Variants in DOCK4 observed in about 807,000 individuals in gnomAD.
The protein encoded by DOCK4 is dedicator of cytokinesis 4, also known as dedicator of cytokinesis protein 4.
A neutral mutation model predicts 268.1 loss-of-function variants in DOCK4; 97 were observed. That is an observed-to-expected ratio of 0.36 (90% CI 0.31 to 0.43). DOCK4 has a LOEUF of 0.43. Among genes scored for constraint, DOCK4 ranks in the 20% least tolerant of loss-of-function variants. The probability of loss-of-function intolerance (pLI) is 1.00; values close to 1 mark genes in which losing one functional copy is unlikely to be tolerated. For missense variants in DOCK4, 2,145 were observed against 2,455.7 expected (o/e 0.87, Z 2.67); for synonymous variants, 954 against 887.2 (o/e 1.08, Z -1.34).
At position 111,782,921 on chromosome 7, in the gene DOCK4, G is replaced by C; in HGVS notation, c.3528C>G (p.Asp1176Glu). 6.2e-7 allele frequency: 1 copy of C among 1,611,770 alleles called. No individual in the cohort carries two copies. The highest frequency in any genetic ancestry group is 1.1e-5 in the South Asian group (1 of 91,012). Residue 1176 changes from aspartate to glutamate, a missense_variant, in exon 35 of 53, where the codon GAC becomes GAG. By Grantham distance (45) the Asp-to-Glu change is conservative (BLOSUM62 2). Transcript: ENST00000428084. ...CATCTACCTCTCCCATTTTCATGCAGTCCCTAAAAACAAAAAGCAATAGTC... is the reference window on the plus strand; with the variant it reads ...CATCTACCTCTCCCATTTTCATGCACTCCCTAAAAACAAAAAGCAATAGTC... ...RLMERLLDYRDCMKMGEVDGK... is the reference protein window; with the variant it reads ...RLMERLLDYRECMKMGEVDGK...
intron 51 of DOCK4, among the ~76,000 whole-genome samples, chr7:111,733,745 T>G (rs773661577): frequency 6.6e-6 from 1 of 152,202 alleles, no homozygotes; most frequent in Non-Finnish European, 1.5e-5. Context: ...CCTGAATATA[T>G]GTACATCGTG....
intron 1 of DOCK4, among the ~76,000 whole-genome samples, chr7:112,088,437 C>A (rs545753628): frequency 6.6e-6 from 1 of 152,164 alleles, no homozygotes; most frequent in South Asian, 2.1e-4. Context: ...ACATGTAAGA[C>A]AATACTTATT....
At chr7:111,935,058 T>C (rs952972722) in intron 12 of DOCK4, among the ~76,000 whole-genome samples, 2 of 151,616 alleles carry the variant, frequency 1.3e-5, no homozygotes, top group South Asian at 2.1e-4. Flanking sequence ...GCAATTCTCC[T>C]TTCTCAACCT....
At chr7:111,798,835 A>T (rs958328466) in intron 30 of DOCK4, among the ~76,000 whole-genome samples, 4 of 152,346 alleles carry the variant, frequency 2.6e-5, no homozygotes, top group Middle Eastern at 6.8e-3. Flanking sequence ...TGCTTTCCTA[A>T]TTTTCCATGC....
chr7:111,902,497 C>T (rs1186167395), intron 13 of DOCK4, among the ~76,000 whole-genome samples: 1 of 152,094 alleles, frequency 6.6e-6, no homozygotes, highest in South Asian at 2.1e-4. Flanking sequence ...AATCTCAACC[C>T]TTTCTTATTA....
chr7:111,844,919 T>C lies in DOCK4; in HGVS notation c.2602-22A>G, dbSNP rs1450466048. On this transcript the variant is annotated intron_variant, in intron 24 of 52. Coordinates refer to ENST00000428084, the MANE Select transcript of DOCK4 (RefSeq NM_001363540.2). ...TTTCCTTAAGAGAAAAAAAATAATA[T>C]GTTCAGGAAACTGGGGTTTAACATG... is the stretch of plus-strand genomic sequence containing the variant. 9 of 1,595,844 alleles carry C rather than the reference T, an allele frequency of 5.6e-6. No homozygotes were observed. In the East Asian group the frequency reaches 1.1e-4, roughly 20 times the overall value.
intron 25 of DOCK4, among the ~76,000 whole-genome samples, chr7:111,837,257 A>AT (rs1379265495): frequency 1.3e-5 from 2 of 152,110 alleles, no homozygotes; most frequent in Non-Finnish European, 1.5e-5. Flanking sequence ...AGGAAAAAAA[A>AT]CCCCAAAAAC....
chr7:112,136,787 T>C (rs1814395471), intron 1 of DOCK4, among the ~76,000 whole-genome samples: 1 of 152,178 alleles, frequency 6.6e-6, no homozygotes, highest in Admixed American at 6.5e-5. Context: ...GACTGATGGA[T>C]AATTTGAAAA....
intron 1 of DOCK4, among the ~76,000 whole-genome samples, chr7:112,137,883 A>G (rs757949232): frequency 6.6e-6 from 1 of 152,236 alleles, no homozygotes; most frequent in Non-Finnish European, 1.5e-5. Context: ...TACTTGCTTC[A>G]TAGGCTTTCT....
intron 6 of DOCK4, 31 bp downstream of exon 6, chr7:111,988,984 T>C (rs1166268474): frequency 2.5e-6 from 4 of 1,585,986 alleles, no homozygotes; most frequent in Non-Finnish European, 2.6e-6. Flanking sequence ...GTTCACCTAC[T>C]AGAGGCCGCC....
chr7:111,837,668 C>G (rs546947045), intron 25 of DOCK4, among the ~76,000 whole-genome samples: 2 of 152,102 alleles, frequency 1.3e-5, no homozygotes, highest in Non-Finnish European at 2.9e-5. Flanking sequence ...AATTACTGAT[C>G]TATTTGACAA....
chr7:111,809,377 C>A lies in DOCK4; in HGVS notation c.3031G>T (p.Ala1011Ser). The change falls in exon 29 of 53, where the codon GCA becomes TCA. Residue 1011 changes from alanine (A) to serine (S), a missense_variant. Ala to Ser is a moderately conservative substitution (Grantham distance 99). This residue lies in a region of DOCK4 where 1,598 missense variants were observed against 1,986.7 expected (regional missense o/e 0.80). Coordinates refer to ENST00000428084, the MANE Select transcript of DOCK4 (RefSeq NM_001363540.2). ...CACAACTGGTTTATAAAAATGACTG[C>A]GAGGTAAAAGTAGGAATCCCAGATC... is the stretch of plus-strand genomic sequence containing the variant. ...YKIWDSYFYLAVIFINQLCLQ... is the reference protein window; with the variant it reads ...YKIWDSYFYLSVIFINQLCLQ... 6.4e-7 allele frequency: 1 copy of A among 1,563,690 alleles called. No individual in the cohort carries two copies. Among genetic ancestry groups the A allele is most frequent in the Non-Finnish European group, 8.7e-7 (1 of 1,152,436 alleles).
At chr7:111,766,180 C>T (rs1797748673) in intron 38 of DOCK4, among the ~76,000 whole-genome samples, 1 of 152,114 alleles carries the variant, frequency 6.6e-6, no homozygotes, top group African/African-American at 2.4e-5. Flanking sequence ...GGAGAAGTAT[C>T]GATGAACTGC....
At chr7:112,052,648 T>A (rs949070135) in intron 1 of DOCK4, among the ~76,000 whole-genome samples, 6 of 152,120 alleles carry the variant, frequency 3.9e-5, no homozygotes. Flanking sequence ...ATCCCTGAAC[T>A]ATTATACAAA....
intron 47 of DOCK4, among the ~76,000 whole-genome samples, chr7:111,740,760 A>AAAAAAG (rs1795861877): frequency 1.4e-5 from 2 of 137,958 alleles, no homozygotes; most frequent in Non-Finnish European, 3.1e-5. Context: ...AAAAAAAAAA[A>AAAAAAG]GGCAAGCTAA....
At chr7:111,970,266 G>A (rs922159845) in intron 8 of DOCK4, among the ~76,000 whole-genome samples, 2 of 151,946 alleles carry the variant, frequency 1.3e-5, no homozygotes, top group Non-Finnish European at 1.5e-5. Context: ...AAACTGCCAT[G>A]TTAGAATACC....
intron 1 of DOCK4, among the ~76,000 whole-genome samples, chr7:112,049,367 A>G (rs1024944859): frequency 6.6e-6 from 1 of 151,706 alleles, no homozygotes; most frequent in Non-Finnish European, 1.5e-5. Flanking sequence ...AAAACCTTTA[A>G]GTAATCATTA....
At chr7:112,177,677 C>T (rs2729547) in intron 1 of DOCK4, among the ~76,000 whole-genome samples, 63,110 of 151,940 alleles carry the variant, frequency 0.42, 15,345 homozygotes, top group African/African-American at 0.67. Flanking sequence ...TGCACAACTA[C>T]GAATTTCTGT....
intron 8 of DOCK4, among the ~76,000 whole-genome samples, chr7:111,975,565 T>C (rs1798097063): frequency 6.6e-6 from 1 of 152,194 alleles, no homozygotes; most frequent in Non-Finnish European, 1.5e-5. Flanking sequence ...AAAGTTCTTT[T>C]AACACACTGA....
Sources: allele counts gnomAD v4.1 joint callset (sites outside exome capture counted in the v4.1 genomes callset), GRCh38; gene constraint gnomAD v4.1.1; regional missense constraint gnomAD v4.1.1; transcripts MANE v1.5; gene names NCBI Gene and HGNC (gene_info 2026-07-23, HGNC 2026-07-21).